Variants in KALRN observed in about 807,000 individuals in gnomAD.
KALRN encodes the protein kalirin.
KALRN carries 70 observed loss-of-function variants against 353.7 expected under a neutral mutation model. The ratio of observed to expected loss-of-function variants is 0.20; its 90% CI spans 0.16 to 0.24. The LOEUF (loss-of-function observed/expected upper bound fraction) is 0.24, where lower values mean the gene tolerates loss of function less well. KALRN is among the 10% of genes least tolerant of loss of function. The pLI is 1.00. For missense variants in KALRN, 2,791 were observed against 3,756.7 expected (o/e 0.74, Z 6.72); for synonymous variants, 1,391 against 1,434.8 (o/e 0.97, Z 0.69).
chr3:124,635,388 G>T (rs1454803715), intron 36 of KALRN, among the ~76,000 whole-genome samples: 1 of 152,190 alleles, frequency 6.6e-6, no homozygotes, highest in Non-Finnish European at 1.5e-5. Flanking sequence ...CTTGTTTACA[G>T]AAATGGATGT....
At chr3:124,662,723 G>C (rs1559796842) in intron 45 of KALRN, among the ~76,000 whole-genome samples, 1 of 152,166 alleles carries the variant, frequency 6.6e-6, no homozygotes, top group Non-Finnish European at 1.5e-5. Context: ...AAGTTTACTA[G>C]GGCTGCCAAA....
At chr3:124,209,743 T>C (rs969404830) in intron 1 of KALRN, among the ~76,000 whole-genome samples, 28 of 152,188 alleles carry the variant, frequency 1.8e-4, no homozygotes, top group African/African-American at 6.8e-4. Context: ...TCTCATGACC[T>C]AGCAAAATTC....
intron 27 of KALRN, among the ~76,000 whole-genome samples, chr3:124,480,007 G>A (rs2061825011): frequency 6.6e-6 from 1 of 152,158 alleles, no homozygotes; most frequent in Admixed American, 6.5e-5. Flanking sequence ...ACAGGCGTGA[G>A]CCACCGCGCC....
rs1201058311 is a variant in KALRN, at chr3:124,579,681, G to A, written c.5182+16592G>A. 5.3e-5 allele frequency among the ~76,000 whole-genome samples: 8 copies of A among 152,130 alleles called. No homozygotes were observed. The East Asian group carries it at 1.5e-3, about 29-fold the overall frequency. ...CTCTCTCTCATCTTTTCCCTGTATT[G>A]GCTTCATTCTCGGAGAGCTTCTTCC... On this transcript the variant is annotated intron_variant, in intron 34 of 59. Transcript: ENST00000682506.
chr3:124,645,809 G>A (rs13064031), intron 37 of KALRN, among the ~76,000 whole-genome samples: 17,185 of 151,952 alleles, frequency 0.11, 1,059 homozygotes, highest in African/African-American at 0.13. Flanking sequence ...TTACCTTTGC[G>A]TATATACCCA....
chr3:124,494,055 G>A (rs2063458650), intron 32 of KALRN, among the ~76,000 whole-genome samples: 1 of 152,186 alleles, frequency 6.6e-6, no homozygotes. Context: ...TAGTGAAAGA[G>A]GATACTCAGG....
chr3:124,661,843 TC>T lies in KALRN; in HGVS notation c.6268-5del. On this transcript the variant is annotated splice_polypyrimidine_tract_variant and splice_region_variant and intron_variant, in intron 44 of 59. Transcript: ENST00000682506. ...CCCCTCCTGAGTAACAGTTGTTCTT[TC>T]CCACAGAAAGCAGTGGAGTTAATGT... The T allele has an allele frequency of 1.2e-6, 2 of 1,611,854 alleles. No homozygotes were observed. The highest frequency in any genetic ancestry group is 1.7e-6 in the Non-Finnish European group (2 of 1,177,922).
chr3:124,645,721 G>A (rs2082633237), intron 37 of KALRN, among the ~76,000 whole-genome samples: 1 of 151,418 alleles, frequency 6.6e-6, no homozygotes, highest in African/African-American at 2.4e-5. Context: ...TAACACTTAG[G>A]GGTTTCCATA....
At chr3:124,717,635 G>T (rs2063207130) in intron 59 of KALRN, among the ~76,000 whole-genome samples, 1 of 151,800 alleles carries the variant, frequency 6.6e-6, no homozygotes, top group Non-Finnish European at 1.5e-5. Context: ...GGCGGAGCTT[G>T]CAGTGAGCCG....
intron 1 of KALRN, among the ~76,000 whole-genome samples, chr3:124,166,747 A>G (rs1417507981): frequency 6.6e-6 from 1 of 152,112 alleles, no homozygotes; most frequent in East Asian, 1.9e-4. Flanking sequence ...TTGAACATCT[A>G]AATTTGGAGG....
At chr3:124,662,643 A>G (rs2085044999) in intron 45 of KALRN, among the ~76,000 whole-genome samples, 2 of 152,226 alleles carry the variant, frequency 1.3e-5, no homozygotes, top group Non-Finnish European at 2.9e-5. Flanking sequence ...AAGTTCTGTT[A>G]TTTGAAGAGG....
At chr3:124,226,297 T>C (rs1046028561) in intron 1 of KALRN, among the ~76,000 whole-genome samples, 2 of 152,238 alleles carry the variant, frequency 1.3e-5, no homozygotes, top group Admixed American at 6.5e-5. Flanking sequence ...TAATTGTTTT[T>C]CTGTGGAAAA....
intron 33 of KALRN, among the ~76,000 whole-genome samples, chr3:124,547,218 T>G (rs2069789673): frequency 6.6e-6 from 1 of 152,198 alleles, no homozygotes; most frequent in Non-Finnish European, 1.5e-5. Context: ...CAGGCTGGCC[T>G]CGAACTTCTG....
At chr3:124,082,667 C>G (rs1444072366) in intron 1 of KALRN, among the ~76,000 whole-genome samples, 1 of 152,148 alleles carries the variant, frequency 6.6e-6, no homozygotes, top group Non-Finnish European at 1.5e-5. Flanking sequence ...GGGATATAAA[C>G]TATATGATCA....
intron 25 of KALRN, among the ~76,000 whole-genome samples, chr3:124,471,460 T>A (rs1419904380): frequency 6.6e-6 from 1 of 151,838 alleles, no homozygotes; most frequent in Non-Finnish European, 1.5e-5. Context: ...TAATTTTTTG[T>A]ATTTTTAATA....
chr3:124,669,170 G>A (rs1416959175), intron 47 of KALRN, among the ~76,000 whole-genome samples: 1 of 152,188 alleles, frequency 6.6e-6, no homozygotes, highest in African/African-American at 2.4e-5. Context: ...GGTCACAGAA[G>A]CAGTAAGTGA....
intron 10 of KALRN, among the ~76,000 whole-genome samples, chr3:124,368,844 G>A (rs2085401306): frequency 6.6e-6 from 1 of 152,214 alleles, no homozygotes. Context: ...CGGATCACTC[G>A]CGGTTAGGGG....
intron 1 of KALRN, chr3:124,163,011 G>C (rs1234829349): frequency 2.0e-5 from 3 of 152,184 alleles, no homozygotes; most frequent in Non-Finnish European, 4.4e-5. Context: ...GGACCACACA[G>C]GGAACAAAGG....
At chr3:124,240,443 G>A (rs762916171) in intron 3 of KALRN, among the ~76,000 whole-genome samples, 4 of 152,204 alleles carry the variant, frequency 2.6e-5, no homozygotes, top group Non-Finnish European at 5.9e-5. Context: ...GGCATTGCAG[G>A]CCTGGAAACA....
Sources: gnomAD v4.1 joint callset for allele counts (sites outside exome capture counted in the v4.1 genomes callset) on GRCh38, gnomAD v4.1.1 for gene constraint, MANE v1.5 for transcripts, NCBI Gene and HGNC (gene_info 2026-07-23, HGNC 2026-07-21) for gene names.